Variants in CTCF observed in about 807,000 individuals in gnomAD.
CTCF encodes the protein CCCTC-binding factor.
CTCF carries 7 observed loss-of-function variants against 72.3 expected under a neutral mutation model. That is an observed-to-expected ratio of 0.10 (90% CI 0.06 to 0.18). The LOEUF (loss-of-function observed/expected upper bound fraction) is 0.18, where lower values mean the gene tolerates loss of function less well. CTCF is among the 10% of genes least tolerant of loss of function. CTCF has a pLI of 1.00. For synonymous variants in CTCF, 374 were observed against 315.8 expected (o/e 1.18, Z -1.95); for missense variants, 516 against 949.1 (o/e 0.54, Z 6.00).
intron 1 of CTCF, among the ~76,000 whole-genome samples, chr16:67,565,693 AAG>A (rs1415439406): frequency 3.3e-5 from 5 of 151,924 alleles, no homozygotes; most frequent in East Asian, 3.9e-4. Flanking sequence ...AAAAAAAAAA[AAG>A]AGTAGTTGTA....
chr16:67,621,159 GA>G, intron 6 of CTCF: 1 of 366,386 alleles, frequency 2.7e-6, no homozygotes, highest in Non-Finnish European at 4.9e-6. Context: ...TTCCTAAAAA[GA>G]AAAACTTGTG....
chr16:67,608,347 A>T (rs1008316136), intron 2 of CTCF, among the ~76,000 whole-genome samples: 17 of 146,042 alleles, frequency 1.2e-4, no homozygotes, highest in South Asian at 4.9e-4. Flanking sequence ...AAAAAAAAAA[A>T]ACGACTTGTT....
intron 2 of CTCF, among the ~76,000 whole-genome samples, chr16:67,575,410 G>A (rs1303261091): frequency 6.6e-6 from 1 of 150,590 alleles, no homozygotes; most frequent in African/African-American, 2.5e-5. Context: ...CCTTGGGCAG[G>A]GCAGTTCTAT....
In CTCF at chr16:67,629,926, C is replaced by G. The variant is rs189065628; in HGVS notation, c.1837+393C>G. On this transcript the variant is annotated intron_variant, in intron 10 of 11. Transcript: ENST00000264010. ...AGTAGCTGTGACTACAGGCGCCCAC[C>G]ACCAGGCCTGGCTAATTTTTTTGTA... Among the ~76,000 whole-genome samples the G allele has an allele frequency of 6.0e-3, 901 of 151,190 alleles. 4 individuals are homozygous for G. The highest frequency in any genetic ancestry group is 0.01 in the Non-Finnish European group (707 of 67,768).
rs182080795 is a variant in CTCF, at chr16:67,607,879, T to G, written c.-9-2945T>G. ...CTAAAAATACAGAAAATTAGCCAGG[T>G]GTGGTGGTGGGCACCTGTAATCCCA... On this transcript the variant is annotated intron_variant, in intron 2 of 11. Coordinates refer to ENST00000264010, the MANE Select transcript of CTCF (RefSeq NM_006565.4). 1.6e-3 allele frequency among the ~76,000 whole-genome samples: 244 copies of G among 148,648 alleles called. 1 individual carries two copies. Among genetic ancestry groups the G allele is most frequent in the African/African-American group, 5.8e-3 (233 of 40,312 alleles).
chr16:67,598,184 C>T (rs1329743216), intron 2 of CTCF, among the ~76,000 whole-genome samples: 1 of 151,966 alleles, frequency 6.6e-6, no homozygotes, highest in African/African-American at 2.4e-5. Context: ...ACTGTGTTGC[C>T]CAGGCCTGGT....
At chr16:67,633,812 A>T (rs1425988706) in intron 10 of CTCF, among the ~76,000 whole-genome samples, 2 of 151,282 alleles carry the variant, frequency 1.3e-5, no homozygotes, top group Admixed American at 6.6e-5. Context: ...ACACACACAC[A>T]CACTCTCACT....
At chr16:67,569,749 G>C (rs1048332836) in intron 1 of CTCF, among the ~76,000 whole-genome samples, 1 of 151,064 alleles carries the variant, frequency 6.6e-6, no homozygotes, top group South Asian at 2.1e-4. Context: ...GCAGTGGCGC[G>C]ATCTCGGCTC....
At chr16:67,632,215 G>A (rs1405867108) in intron 10 of CTCF, among the ~76,000 whole-genome samples, 5 of 152,078 alleles carry the variant, frequency 3.3e-5, no homozygotes, top group Non-Finnish European at 5.9e-5. Flanking sequence ...TTGCAAAGCC[G>A]CCTGCTGCCA....
chr16:67,590,019 G>A (rs926656888), intron 2 of CTCF, among the ~76,000 whole-genome samples: 2 of 152,160 alleles, frequency 1.3e-5, no homozygotes, highest in East Asian at 1.9e-4. Flanking sequence ...CGCAGGAGGC[G>A]GCCGTTGCAG....
chr16:67,584,334 C>CGTCTTTTTTTTTTTTTTTTT (rs1567596519), intron 2 of CTCF, among the ~76,000 whole-genome samples: 2 of 121,918 alleles, frequency 1.6e-5, no homozygotes, highest in African/African-American at 7.3e-5. Context: ...AAAAAAAAGT[C>CGTCTTTTTTTTTTTTTTTTT]TTCTTTTTTT....
chr16:67,563,899 A>G (rs1443858089), intron 1 of CTCF: 2 of 152,180 alleles, frequency 1.3e-5, no homozygotes, highest in African/African-American at 4.8e-5. Flanking sequence ...GAATGAGTTT[A>G]TTCTTGACTC....
At chr16:67,602,534 C>T (rs2051906742) in intron 2 of CTCF, among the ~76,000 whole-genome samples, 1 of 151,982 alleles carries the variant, frequency 6.6e-6, no homozygotes, top group African/African-American at 2.4e-5. Flanking sequence ...GACTGAAAAA[C>T]TTCTCTTAAA....
intron 2 of CTCF, among the ~76,000 whole-genome samples, chr16:67,582,059 T>G (rs1440261694): frequency 1.3e-5 from 2 of 151,808 alleles, no homozygotes; most frequent in African/African-American, 4.8e-5. Flanking sequence ...CCGTCTCTAC[T>G]AAAACAAAAA....
chr16:67,591,537 G>A (rs1307617190), intron 2 of CTCF, among the ~76,000 whole-genome samples: 1 of 152,130 alleles, frequency 6.6e-6, no homozygotes, highest in Non-Finnish European at 1.5e-5. Context: ...TAAGCTCTCA[G>A]ATAAGATGAT....
At chr16:67,628,074 G>A (rs549183509) in intron 8 of CTCF, among the ~76,000 whole-genome samples, 6 of 152,028 alleles carry the variant, frequency 3.9e-5, no homozygotes, top group South Asian at 2.1e-4. Context: ...CATCCTGGGC[G>A]ATAGAGCGAG....
chr16:67,571,008 G>A (rs767366370), intron 1 of CTCF, 140 bp from the exon 2 acceptor site: 7 of 152,106 alleles, frequency 4.6e-5, no homozygotes, highest in Admixed American at 1.3e-4. Context: ...GGAATGGCTC[G>A]GTTAGTGACA....
At chr16:67,574,368 A>G (rs540015789) in intron 2 of CTCF, among the ~76,000 whole-genome samples, 84 of 151,924 alleles carry the variant, frequency 5.5e-4, no homozygotes, top group Non-Finnish European at 5.6e-4. Flanking sequence ...TTTTGAGACA[A>G]TCTCACTGTG....
intron 5 of CTCF, among the ~76,000 whole-genome samples, chr16:67,619,243 C>T (rs1051997349): frequency 1.3e-5 from 2 of 152,108 alleles, no homozygotes; most frequent in African/African-American, 2.4e-5. Context: ...TGAGACCAGC[C>T]GGGCCAACGT....
Sources: allele counts gnomAD v4.1 joint callset (sites outside exome capture counted in the v4.1 genomes callset), GRCh38; gene constraint gnomAD v4.1.1; transcripts MANE v1.5; gene names NCBI Gene and HGNC (gene_info 2026-07-23, HGNC 2026-07-21).